MARCHF3: variants seen among roughly 807,000 people sequenced by gnomAD.
MARCHF3 encodes membrane associated ring-CH-type finger 3.
MARCHF3 carries 13 observed loss-of-function variants against 24.2 expected under a neutral mutation model. That is an observed-to-expected ratio of 0.54 (90% CI 0.35 to 0.85). The LOEUF is 0.85. Ranked by LOEUF, MARCHF3 falls within the 40% of genes least tolerant of loss-of-function variation. The probability of loss-of-function intolerance (pLI) is 0.01; values close to 1 mark genes in which losing one functional copy is unlikely to be tolerated. For synonymous variants in MARCHF3, 144 were observed against 137.3 expected (o/e 1.05, Z -0.34); for missense variants, 276 against 325.0 (o/e 0.85, Z 1.16).
At chr5:126,995,487 G>A (rs1238385532) in intron 1 of MARCHF3, among the ~76,000 whole-genome samples, 1 of 152,218 alleles carries the variant, frequency 6.6e-6, no homozygotes, top group Admixed American at 6.5e-5. Flanking sequence ...AGCCTGCCAT[G>A]TGTGTTTTCT....
intron 1 of MARCHF3, among the ~76,000 whole-genome samples, chr5:127,021,595 T>C (rs1178657379): frequency 1.3e-5 from 2 of 152,186 alleles, no homozygotes; most frequent in African/African-American, 4.8e-5. Context: ...CGGGATTCCA[T>C]TTAATGTCTT....
chr5:127,029,514 C>T (rs995320878), intron 1 of MARCHF3, among the ~76,000 whole-genome samples: 2 of 152,166 alleles, frequency 1.3e-5, no homozygotes, highest in Non-Finnish European at 2.9e-5. Context: ...GGGGGGAAAA[C>T]AATCTAACCC....
At chr5:126,943,376 G>A (rs1749898012) in intron 1 of MARCHF3, among the ~76,000 whole-genome samples, 1 of 152,088 alleles carries the variant, frequency 6.6e-6, no homozygotes, top group Admixed American at 6.6e-5. Flanking sequence ...CCAGGAGATT[G>A]AGACCAGCTT....
chr5:126,882,112 A>T (rs1753361141), intron 3 of MARCHF3, among the ~76,000 whole-genome samples: 1 of 152,188 alleles, frequency 6.6e-6, no homozygotes, highest in Non-Finnish European at 1.5e-5. Context: ...TTCATAACTC[A>T]CCTAAGGAGA....
intron 3 of MARCHF3, among the ~76,000 whole-genome samples, chr5:126,908,006 G>C (rs948306846): frequency 2.0e-5 from 3 of 151,796 alleles, no homozygotes; most frequent in African/African-American, 7.3e-5. Context: ...GCTCTTTTAG[G>C]GCAGGCCTGG....
At chr5:126,922,397 T>A (rs567431419) in intron 1 of MARCHF3, among the ~76,000 whole-genome samples, 1 of 152,268 alleles carries the variant, frequency 6.6e-6, no homozygotes, top group East Asian at 1.9e-4. Context: ...AGATAATACA[T>A]ATGAATTCAC....
intron 4 of MARCHF3, among the ~76,000 whole-genome samples, chr5:126,874,310 T>C (rs1753072802): frequency 6.6e-6 from 1 of 152,170 alleles, no homozygotes; most frequent in South Asian, 2.1e-4. Context: ...GCAGGCGGCC[T>C]GGTGCAGTGG....
intron 1 of MARCHF3, among the ~76,000 whole-genome samples, chr5:127,015,524 A>G (rs2126860094): frequency 6.6e-6 from 1 of 152,340 alleles, no homozygotes; most frequent in Admixed American, 6.5e-5. Context: ...AGAAAAAAAC[A>G]CAAAAGCACA....
chr5:126,913,147 C>T (rs1443372245), intron 3 of MARCHF3, among the ~76,000 whole-genome samples: 23 of 152,210 alleles, frequency 1.5e-4, no homozygotes. Flanking sequence ...TGGATTTCGT[C>T]TGAGAAAAAT....
chr5:127,007,405 A>G (rs2126854925), intron 1 of MARCHF3, among the ~76,000 whole-genome samples: 1 of 151,476 alleles, frequency 6.6e-6, no homozygotes, highest in Non-Finnish European at 1.5e-5. Context: ...GTAAAGTTTT[A>G]TAAAGATTCT....
At chr5:127,008,725 A>G (rs1467776747) in intron 1 of MARCHF3, among the ~76,000 whole-genome samples, 1 of 152,168 alleles carries the variant, frequency 6.6e-6, no homozygotes, top group East Asian at 1.9e-4. Flanking sequence ...CCTGAGGTGC[A>G]GGAGCTGAGG....
At chr5:126,954,619 C>T (rs991801536) in intron 1 of MARCHF3, among the ~76,000 whole-genome samples, 1 of 151,630 alleles carries the variant, frequency 6.6e-6, no homozygotes, top group Non-Finnish European at 1.5e-5. Flanking sequence ...GATTCTCCCA[C>T]TTCAGCCTCC....
At chr5:126,916,747 C>T (rs538341642) in intron 2 of MARCHF3, among the ~76,000 whole-genome samples, 1 of 122,236 alleles carries the variant, frequency 8.2e-6, no homozygotes, top group Admixed American at 7.8e-5. Context: ...GCTCACAGGT[C>T]TCAACCACAT....
Position 126,870,503 on chromosome 5 carries a change from T to C in MARCHF3, c.*130A>G. 1.3e-6 allele frequency: 1 copy of C among 743,108 alleles called. No homozygotes were observed. 46.0% of individuals were successfully genotyped at this position (743,108 alleles called of 1,614,324 possible). The stretch of plus-strand genomic sequence containing the variant: ...GAGGTTGTTGCTTGGAGTGATGTGC[T>C]AATATGCTCTGGATGTTCTTAGACC... On this transcript the variant is annotated 3_prime_UTR_variant, in exon 5 of 5. Transcript: ENST00000308660.
chr5:127,017,648 G>A (rs561318552), intron 1 of MARCHF3, among the ~76,000 whole-genome samples: 7 of 152,244 alleles, frequency 4.6e-5, no homozygotes, highest in Admixed American at 4.6e-4. Context: ...TGCTGAAAGT[G>A]AAAATCAGAA....
chr5:126,974,192 C>T (rs897560993), intron 1 of MARCHF3, among the ~76,000 whole-genome samples: 4 of 152,118 alleles, frequency 2.6e-5, no homozygotes, highest in Non-Finnish European at 4.4e-5. Flanking sequence ...CCACCGCGCC[C>T]GGCCGCAAAA....
At position 126,887,394 on chromosome 5, in the gene MARCHF3, C is replaced by T. The variant is rs1300735472; in HGVS notation, c.394-9000G>A. Among the ~76,000 whole-genome samples, 3 of 152,146 alleles carry T rather than the reference C, an allele frequency of 2.0e-5. No homozygotes were observed. In the East Asian group the frequency reaches 5.8e-4, roughly 29 times the overall value. ...AACAGAAATACAGATATTTCGTATCCCATTACAATTGTTGCAGATATCTTG... is the reference window on the plus strand; with the variant it reads ...AACAGAAATACAGATATTTCGTATCTCATTACAATTGTTGCAGATATCTTG... On this transcript the variant is annotated intron_variant, in intron 3 of 4. Coordinates refer to ENST00000308660, the MANE Select transcript of MARCHF3 (RefSeq NM_178450.5).
At chr5:126,994,196 C>T (rs1255369261) in intron 1 of MARCHF3, among the ~76,000 whole-genome samples, 1 of 152,240 alleles carries the variant, frequency 6.6e-6, no homozygotes, top group Non-Finnish European at 1.5e-5. Flanking sequence ...GAACTAACTA[C>T]TGATACAACA....
intron 1 of MARCHF3, among the ~76,000 whole-genome samples, chr5:126,977,319 T>A (rs1751235003): frequency 6.6e-6 from 1 of 152,218 alleles, no homozygotes; most frequent in Non-Finnish European, 1.5e-5. Flanking sequence ...GCACCAAACC[T>A]GAAGGTCACC....
Sources: gnomAD v4.1 joint callset for allele counts (sites outside exome capture counted in the v4.1 genomes callset) on GRCh38, gnomAD v4.1.1 for gene constraint, MANE v1.5 for transcripts, NCBI Gene and HGNC (gene_info 2026-07-23, HGNC 2026-07-21) for gene names.